Variants in FGL1 observed in about 807,000 individuals in gnomAD.
FGL1 encodes fibrinogen-like protein 1.
FGL1 carries 59 observed loss-of-function variants against 43.7 expected under a neutral mutation model. The observed-to-expected ratio is 1.35, with a 90% CI of 1.10 to 1.68. The LOEUF is 1.68. FGL1 is among the 40% of genes most tolerant of loss of function. The probability of loss-of-function intolerance (pLI) is 0.00; values close to 1 mark genes in which losing one functional copy is unlikely to be tolerated. For missense variants in FGL1, 596 were observed against 373.0 expected, an observed-to-expected ratio of 1.60 and a Z score of -4.92; for synonymous variants, 192 against 126.5, an observed-to-expected ratio of 1.52 and a Z score of -3.48.
rs771850046 is a variant in FGL1, at chr8:17,868,943, A to T, written c.564T>A (p.Tyr188Ter). 1.4e-5 allele frequency: 22 copies of T among 1,603,332 alleles called. No individual in the cohort carries two copies. Among genetic ancestry groups the T allele is most frequent in the Non-Finnish European group, 1.8e-5 (21 of 1,176,762 alleles). ...DFEKNSRYAQ[Y>*]KNFKVGDEKN... Reference sequence around the variant, plus strand: ...TTTCATCTCCAACTTTGAAATTCTTATATTGTGCATAACGGCTATTTTTTT... The same window carrying T: ...TTTCATCTCCAACTTTGAAATTCTTTTATTGTGCATAACGGCTATTTTTTT... Residue 188 changes from tyrosine (Y) to a stop codon, truncating the protein, a stop_gained, in exon 6 of 8, where the codon TAT becomes TAA. Transcript: ENST00000427924. LOFTEE classifies it high-confidence loss of function.
intron 1 of FGL1, among the ~76,000 whole-genome samples, chr8:17,889,010 G>T (rs1395446565): frequency 1.3e-5 from 2 of 152,050 alleles, no homozygotes; most frequent in African/African-American, 2.4e-5. Flanking sequence ...TGCTAAACAG[G>T]CTTGATGGGA....
At chr8:17,880,344 G>A (rs1418250807) in intron 3 of FGL1, among the ~76,000 whole-genome samples, 1 of 152,204 alleles carries the variant, frequency 6.6e-6, no homozygotes, top group African/African-American at 2.4e-5. Flanking sequence ...AGCCAGCCAG[G>A]TGCCCTGAAG....
intron 2 of FGL1, among the ~76,000 whole-genome samples, chr8:17,884,825 T>G (rs2053603929): frequency 6.6e-6 from 1 of 152,156 alleles, no homozygotes; most frequent in South Asian, 2.1e-4. Context: ...AATGAATGTT[T>G]TGTCTTTTTT....
At chr8:17,891,865 T>C (rs1488379684) in intron 1 of FGL1, 4 of 875,694 alleles carry the variant, frequency 4.6e-6, no homozygotes, top group Non-Finnish European at 5.5e-6. Context: ...ATAAACTTTT[T>C]TGTGATTTGC....
intron 1 of FGL1, among the ~76,000 whole-genome samples, chr8:17,889,256 C>G (rs759311102): frequency 5.9e-5 from 9 of 152,154 alleles, no homozygotes; most frequent in Non-Finnish European, 1.2e-4. Flanking sequence ...ACTAAACACT[C>G]TGCCGAACTT....
intron 2 of FGL1, among the ~76,000 whole-genome samples, chr8:17,883,210 T>A (rs1391352025): frequency 1.3e-4 from 5 of 39,078 alleles, no homozygotes; most frequent in African/African-American, 5.2e-4. Flanking sequence ...TTAAATAATA[T>A]ATAATATATA....
At chr8:17,884,783 A>T (rs1386363486) in intron 2 of FGL1, among the ~76,000 whole-genome samples, 1 of 152,148 alleles carries the variant, frequency 6.6e-6, no homozygotes, top group African/African-American at 2.4e-5. Context: ...GCTTATTTAA[A>T]ACCTAGGAGT....
intron 5 of FGL1, among the ~76,000 whole-genome samples, chr8:17,869,490 T>G (rs936388642): frequency 2.0e-5 from 3 of 152,200 alleles, no homozygotes; most frequent in African/African-American, 7.2e-5. Context: ...TGCCTGAACT[T>G]GGTTATTTTC....
chr8:17,891,853 T>C (rs2053709767), intron 1 of FGL1: 2 of 956,104 alleles, frequency 2.1e-6, no homozygotes, highest in African/African-American at 3.5e-5. Flanking sequence ...ATTATGCTTT[T>C]CATAAACTTT....
rs754368325 is a variant in FGL1 at position 17,868,686 on chromosome 8, G to A, written c.641C>T (p.Ser214Phe). 1 of 1,613,640 alleles carries A rather than the reference G, an allele frequency of 6.2e-7. No homozygotes were observed. The highest frequency in any genetic ancestry group is 2.2e-5 in the East Asian group (1 of 44,874). The change falls in exon 7 of 8, where the codon TCC becomes TTC. Residue 214 changes from serine to phenylalanine, a missense_variant. Ser to Phe is a radical substitution (Grantham distance 155, BLOSUM62 -2). Coordinates refer to ENST00000427924, the MANE Select transcript of FGL1 (RefSeq NM_004467.4). ...CTCAGGATGAAAATTCCCCGCAAGG[G>A]AATCTCCAGCTGTTCCAGAATATTC... ...IGEYSGTAGD[S>F]LAGNFHPEVQ...
intron 5 of FGL1, among the ~76,000 whole-genome samples, chr8:17,872,917 T>C (rs2053386872): frequency 6.6e-6 from 1 of 152,124 alleles, no homozygotes; most frequent in Non-Finnish European, 1.5e-5. Context: ...GATGGACGGA[T>C]TGAGTAATGG....
intron 1 of FGL1, among the ~76,000 whole-genome samples, chr8:17,892,750 T>A (rs1478984440): frequency 2.0e-5 from 3 of 152,198 alleles, no homozygotes; most frequent in Non-Finnish European, 4.4e-5. Context: ...TCCCAGATAA[T>A]ATTCAGGAGT....
intron 5 of FGL1, among the ~76,000 whole-genome samples, chr8:17,871,586 T>A (rs968562136): frequency 6.6e-6 from 1 of 152,182 alleles, no homozygotes; most frequent in Non-Finnish European, 1.5e-5. Flanking sequence ...GTTCAATAAG[T>A]AAACAAATTA....
chr8:17,878,584 C>A lies in FGL1; in HGVS notation c.244+3415G>T, dbSNP rs1266233714. Among the ~76,000 whole-genome samples, 5 of 152,150 alleles carry A rather than the reference C, an allele frequency of 3.3e-5. No homozygotes were observed. In the East Asian group the frequency reaches 9.7e-4, roughly 29 times the overall value. On this transcript the variant is annotated intron_variant, in intron 3 of 7. Transcript: ENST00000427924. Reference sequence around the variant, plus strand: ...AGTTAATGTGAATTTGACACAGTAACCTTTTAATTCATAATCCGCTAGCAC... The same window carrying A: ...AGTTAATGTGAATTTGACACAGTAAACTTTTAATTCATAATCCGCTAGCAC...
At chr8:17,886,944 T>C (rs2053636959) in intron 1 of FGL1, among the ~76,000 whole-genome samples, 2 of 152,166 alleles carry the variant, frequency 1.3e-5, no homozygotes, top group South Asian at 2.1e-4. Context: ...TAGAGGCAAA[T>C]GGGCTAACAG....
chr8:17,868,562 GC>G lies in FGL1; in HGVS notation c.764del (p.Gly255AlafsTer12), dbSNP rs765535632. 8.7e-6 allele frequency: 14 copies of G among 1,611,732 alleles called. No individual in the cohort carries two copies. In the South Asian group the frequency reaches 1.4e-4, roughly 17 times the overall value. On this transcript the variant is annotated frameshift_variant, in exon 7 of 8. Transcript: ENST00000427924. LOFTEE classifies it high-confidence loss of function. ...AGACATCAAACCTGTTAAACCACCA[GC>G]CAGACTGATCTTCTTCTGCGCAGTT... ...EGNCAEEDQS[G>X]WWFNRCHSAN...
intron 5 of FGL1, among the ~76,000 whole-genome samples, chr8:17,872,669 G>C (rs1272673036): frequency 6.6e-6 from 1 of 152,130 alleles, no homozygotes; most frequent in African/African-American, 2.4e-5. Flanking sequence ...TGCCTTTTAT[G>C]AAGGATTCAG....
At chr8:17,890,796 G>A (rs1360091652) in intron 1 of FGL1, among the ~76,000 whole-genome samples, 1 of 152,138 alleles carries the variant, frequency 6.6e-6, no homozygotes, top group African/African-American at 2.4e-5. Context: ...GGAAGGGGAA[G>A]AGCCAAGCAA....
rs182333841 is a variant in FGL1, at chr8:17,883,703, A to G, written c.64-1524T>C. Among the ~76,000 whole-genome samples, 549 of 146,390 alleles carry G rather than the reference A, an allele frequency of 3.8e-3. 4 individuals are homozygous for G. Among genetic ancestry groups the G allele is most frequent in the African/African-American group, 0.012 (501 of 40,200 alleles). On this transcript the variant is annotated intron_variant, in intron 2 of 7. Transcript: ENST00000427924. ...ATATATATATATTTTTTATATATAT[A>G]TATATGTAGTACATCTCCCCTCCCT...
Sources: allele counts gnomAD v4.1 joint callset (sites outside exome capture counted in the v4.1 genomes callset), GRCh38; gene constraint gnomAD v4.1.1; transcripts MANE v1.5; gene names NCBI Gene and HGNC (gene_info 2026-07-23, HGNC 2026-07-21).